Variants in CNKSR3 observed in about 807,000 individuals in gnomAD.
CNKSR3 encodes the protein CNKSR family member 3.
A neutral mutation model predicts 67.7 loss-of-function variants in CNKSR3; 36 were observed. The ratio of observed to expected loss-of-function variants is 0.53; its 90% CI spans 0.41 to 0.70. The LOEUF is 0.70. CNKSR3 is among the 30% of genes least tolerant of loss of function. The pLI is 0.00. For synonymous variants in CNKSR3, 281 were observed against 271.4 expected, an observed-to-expected ratio of 1.04 and a Z score of -0.35; for missense variants, 630 against 695.2, an observed-to-expected ratio of 0.91 and a Z score of 1.05.
rs541841828 is a variant in CNKSR3, at chr6:154,459,230, G to A, written c.53-8972C>T. Among the ~76,000 whole-genome samples the A allele has an allele frequency of 5.9e-5, 9 of 152,112 alleles. No homozygotes were observed. In the South Asian group the frequency reaches 1.9e-3, roughly 32 times the overall value. On this transcript the variant is annotated intron_variant, in intron 1 of 12. Coordinates refer to ENST00000607772, the MANE Select transcript of CNKSR3 (RefSeq NM_173515.4). ...TATAAAGACGATGCATGTAAGTCGG[G>A]TTTTGACCCTGATCAGAGCTGTGAG...
intron 1 of CNKSR3, among the ~76,000 whole-genome samples, chr6:154,506,674 A>G (rs1377305363): frequency 2.0e-5 from 3 of 152,354 alleles, no homozygotes; most frequent in East Asian, 1.9e-4. Flanking sequence ...GCGCCATGGA[A>G]CCCCAATTTG....
intron 1 of CNKSR3, among the ~76,000 whole-genome samples, chr6:154,487,247 AT>A (rs1227297156): frequency 1.3e-5 from 2 of 151,744 alleles, no homozygotes; most frequent in African/African-American, 2.4e-5. Context: ...GGAAGATGTG[AT>A]TTTTTTTTCC....
In CNKSR3 at chr6:154,414,299, C is replaced by T. The variant is rs201554341; in HGVS notation, c.1070G>A (p.Arg357Gln). Reference protein sequence around the residue: ...PPPPAVPYSPRDENGSFVYGG... With the variant: ...PPPPAVPYSPQDENGSFVYGG... ...ACCATGACAATGGACAGCAACATAC[C>T]GGGGAGAGTAGGGAACAGCAGGCGG... Residue 357 changes from arginine (R) to glutamine (Q), a missense_variant and splice_region_variant, in exon 10 of 13, where the codon CGG (arginine) becomes CAG (glutamine). Arg to Gln is a conservative substitution (Grantham distance 43). Coordinates refer to ENST00000607772, the MANE Select transcript of CNKSR3 (RefSeq NM_173515.4). 2.1e-5 allele frequency: 34 copies of T among 1,589,132 alleles called. No homozygotes were observed. The highest frequency in any genetic ancestry group is 1.7e-4 in the Middle Eastern group (1 of 5,938).
At chr6:154,493,537 C>T (rs2114651492) in intron 1 of CNKSR3, among the ~76,000 whole-genome samples, 1 of 152,296 alleles carries the variant, frequency 6.6e-6, no homozygotes, top group East Asian at 1.9e-4. Flanking sequence ...ATTAACTGGG[C>T]ACTTTAGTTA....
At chr6:154,444,824 C>G (rs1446124555) in intron 2 of CNKSR3, among the ~76,000 whole-genome samples, 1 of 152,070 alleles carries the variant, frequency 6.6e-6, no homozygotes, top group East Asian at 1.9e-4. Flanking sequence ...CCAGGGTGGT[C>G]TCAATCTCCT....
intron 12 of CNKSR3, among the ~76,000 whole-genome samples, chr6:154,408,269 T>C (rs1784843139): frequency 6.6e-6 from 1 of 152,152 alleles, no homozygotes; most frequent in Non-Finnish European, 1.5e-5. Context: ...GTGATCCGCC[T>C]GCCTTGGCCT....
chr6:154,422,224 C>T (rs1785160656), intron 9 of CNKSR3, among the ~76,000 whole-genome samples: 1 of 152,080 alleles, frequency 6.6e-6, no homozygotes, highest in African/African-American at 2.4e-5. Context: ...GATCTCCTGA[C>T]CTCGTGATCC....
At chr6:154,422,036 A>G (rs1164964286) in intron 9 of CNKSR3, among the ~76,000 whole-genome samples, 1 of 142,056 alleles carries the variant, frequency 7.0e-6, no homozygotes, top group Non-Finnish European at 1.5e-5. Context: ...TCTGTCGTCC[A>G]GGCTGGAGTG....
Position 154,442,300 on chromosome 6 carries a change from A to G in CNKSR3, c.217-10T>C. The G allele has an allele frequency of 6.2e-7, 1 of 1,610,168 alleles. No individual in the cohort carries two copies. The highest frequency in any genetic ancestry group is 1.1e-5 in the South Asian group (1 of 90,996). On this transcript the variant is annotated splice_polypyrimidine_tract_variant and intron_variant, in intron 2 of 12. Coordinates refer to ENST00000607772, the MANE Select transcript of CNKSR3 (RefSeq NM_173515.4). ...TTTCGAGGCCATAATTCTGTGGAAA[A>G]TAAAATCAAAGAGAAAAATTCAAAA...
At chr6:154,436,284 A>G (rs1785470686) in intron 4 of CNKSR3, among the ~76,000 whole-genome samples, 2 of 151,280 alleles carry the variant, frequency 1.3e-5, no homozygotes, top group African/African-American at 4.9e-5. Flanking sequence ...CAATCCTCCC[A>G]CCTCAGCCTC....
At position 154,391,727 on chromosome 6, in the gene CNKSR3, T is replaced by C. The variant is rs1171952198; in HGVS notation, c.*14627A>G. The stretch of plus-strand genomic sequence containing the variant: ...TTGTATCTTCCAAATAAAACACCAA[T>C]AGTTTCATCCTTGACACCAGCTCTG... On this transcript the variant is annotated 3_prime_UTR_variant, in exon 13 of 13. Transcript: ENST00000607772. The C allele has an allele frequency of 1.3e-5, 2 of 152,332 alleles. No individual in the cohort carries two copies. The highest frequency in any genetic ancestry group is 2.1e-4 in the South Asian group (1 of 4,820). The allele number at this position is 152,332 out of a possible 1,614,324, so 9.4% of individuals were successfully genotyped here.
intron 9 of CNKSR3, among the ~76,000 whole-genome samples, chr6:154,415,584 A>G (rs578187429): frequency 1.3e-5 from 2 of 152,316 alleles, no homozygotes; most frequent in South Asian, 4.1e-4. Flanking sequence ...TGCCCCATCT[A>G]TAAAATGAGA....
intron 4 of CNKSR3, among the ~76,000 whole-genome samples, chr6:154,436,519 C>CT (rs1297537244): frequency 6.6e-6 from 1 of 152,032 alleles, no homozygotes; most frequent in African/African-American, 2.4e-5. Flanking sequence ...TTTCCTAATT[C>CT]TTTTTTTTGT....
chr6:154,509,101 C>T (rs1284549744), intron 1 of CNKSR3, among the ~76,000 whole-genome samples: 2 of 151,690 alleles, frequency 1.3e-5, no homozygotes, highest in African/African-American at 4.8e-5. Context: ...GATAGAAAAA[C>T]AAATAGTAAC....
intron 1 of CNKSR3, among the ~76,000 whole-genome samples, chr6:154,503,679 A>C (rs186108877): frequency 1.3e-5 from 2 of 151,884 alleles, no homozygotes; most frequent in East Asian, 3.9e-4. Context: ...CTCTTCAAGG[A>C]ATAAGGAAGA....
intron 9 of CNKSR3, among the ~76,000 whole-genome samples, chr6:154,421,964 T>C (rs1022228719): frequency 4.6e-5 from 7 of 151,624 alleles, no homozygotes; most frequent in Non-Finnish European, 8.8e-5. Context: ...CATGCAGAGA[T>C]TAACTTTTAA....
At chr6:154,485,058 C>G (rs1786641207) in intron 1 of CNKSR3, among the ~76,000 whole-genome samples, 1 of 152,140 alleles carries the variant, frequency 6.6e-6, no homozygotes, top group African/African-American at 2.4e-5. Context: ...TGGATTTTAA[C>G]TTCTCTTTAT....
In CNKSR3 at chr6:154,422,551, A is replaced by C; in HGVS notation, c.900T>G (p.Thr300=). ...ACCGTAGGTTTTTCAGGGGAGCAGGAGTAAAGTTGAAAGACCCGGTGGGGC... is the reference window on the plus strand; with the variant it reads ...ACCGTAGGTTTTTCAGGGGAGCAGGCGTAAAGTTGAAAGACCCGGTGGGGC... ...KKRPTGSFNF[T]PAPLKNLRWK... Residue 300 remains threonine, a synonymous_variant, in exon 9 of 13, where the codon ACT becomes ACG. Transcript: ENST00000607772. 6.2e-7 allele frequency: 1 copy of C among 1,614,150 alleles called. No homozygotes were observed. Among genetic ancestry groups the C allele is most frequent in the Non-Finnish European group, 8.5e-7 (1 of 1,180,018 alleles).
rs1195085680 is a variant in CNKSR3 at position 154,390,028 on chromosome 6, T to C, written c.*16326A>G. On this transcript the variant is annotated 3_prime_UTR_variant, in exon 13 of 13. Transcript: ENST00000607772. ...GTTAATCATAATCTTTGATTCATTA[T>C]ACATCATCATCAGTCCACACATATC... 6.6e-6 allele frequency: 1 copy of C among 152,248 alleles called. No homozygotes were observed. The highest frequency in any genetic ancestry group is 2.4e-5 in the African/African-American group (1 of 41,472). 9.4% of individuals were successfully genotyped at this position (152,248 alleles called of 1,614,324 possible).
Sources: allele counts gnomAD v4.1 joint callset (sites outside exome capture counted in the v4.1 genomes callset), GRCh38; gene constraint gnomAD v4.1.1; transcripts MANE v1.5; gene names NCBI Gene and HGNC (gene_info 2026-07-23, HGNC 2026-07-21).